CSMD3: variants seen among roughly 807,000 people sequenced by gnomAD.
CSMD3 encodes CUB and sushi domain-containing protein 3.
In CSMD3, 177 loss-of-function variants were observed where a neutral mutation model predicts 435.2. That is an observed-to-expected ratio of 0.41 (90% CI 0.36 to 0.46). The LOEUF is 0.46. CSMD3 is among the 20% of genes least tolerant of loss of function. The probability of loss-of-function intolerance (pLI) is 0.34; values close to 1 mark genes in which losing one functional copy is unlikely to be tolerated. For missense variants in CSMD3, 4,265 were observed against 4,504.6 expected (o/e 0.95, Z 1.52); for synonymous variants, 1,656 against 1,520.5 (o/e 1.09, Z -2.07).
intron 4 of CSMD3, among the ~76,000 whole-genome samples, chr8:113,145,421 C>G (rs2091650026): frequency 1.3e-5 from 2 of 151,574 alleles, no homozygotes; most frequent in Non-Finnish European, 3.0e-5. Flanking sequence ...TATGAAATCA[C>G]ATGGGCCTAT....
At chr8:112,809,741 C>T (rs1335742986) in intron 12 of CSMD3, among the ~76,000 whole-genome samples, 1 of 152,022 alleles carries the variant, frequency 6.6e-6, no homozygotes, top group East Asian at 1.9e-4. Context: ...AGGTGGGTTT[C>T]TTTCTGACTA....
chr8:113,212,456 T>C (rs559413492), intron 3 of CSMD3, among the ~76,000 whole-genome samples: 9 of 152,170 alleles, frequency 5.9e-5, no homozygotes, highest in South Asian at 2.1e-4. Flanking sequence ...ACTCTAGCCA[T>C]GGATGTGGCT....
intron 3 of CSMD3, among the ~76,000 whole-genome samples, chr8:113,207,973 A>G (rs1368480181): frequency 6.6e-6 from 1 of 152,192 alleles, no homozygotes; most frequent in Non-Finnish European, 1.5e-5. Flanking sequence ...CTCTCTGCAT[A>G]TATTTCTGCA....
At chr8:113,005,911 G>C (rs760534876) in intron 6 of CSMD3, among the ~76,000 whole-genome samples, 10 of 151,952 alleles carry the variant, frequency 6.6e-5, no homozygotes, top group Non-Finnish European at 1.3e-4. Flanking sequence ...CTGATAACAA[G>C]ATTTATCACA....
At chr8:112,833,344 T>C (rs1260779341) in intron 11 of CSMD3, among the ~76,000 whole-genome samples, 2 of 152,018 alleles carry the variant, frequency 1.3e-5, no homozygotes, top group East Asian at 1.9e-4. Context: ...TTTTTTAGTA[T>C]ATTACTTCTT....
intron 38 of CSMD3, among the ~76,000 whole-genome samples, chr8:112,366,314 CA>C (rs1563847188): frequency 6.6e-6 from 1 of 152,174 alleles, no homozygotes; most frequent in East Asian, 1.9e-4. Context: ...CTTTCTACTG[CA>C]ACAATGCTCC....
intron 22 of CSMD3, among the ~76,000 whole-genome samples, chr8:112,633,018 A>C (rs2131563851): frequency 6.6e-6 from 1 of 152,118 alleles, no homozygotes; most frequent in Admixed American, 6.6e-5. Context: ...CAGATACATA[A>C]ATATCTATTT....
At chr8:112,666,674 A>G (rs1434517460) in intron 16 of CSMD3, among the ~76,000 whole-genome samples, 1 of 152,148 alleles carries the variant, frequency 6.6e-6, no homozygotes, top group Non-Finnish European at 1.5e-5. Context: ...AAGTCTCTGA[A>G]TAATACCCCT....
intron 27 of CSMD3, among the ~76,000 whole-genome samples, chr8:112,545,671 A>G (rs1293821527): frequency 6.6e-6 from 1 of 152,054 alleles, no homozygotes; most frequent in Non-Finnish European, 1.5e-5. Flanking sequence ...TGAGAAATAG[A>G]TACAAGTTAT....
intron 3 of CSMD3, among the ~76,000 whole-genome samples, chr8:113,178,915 T>C (rs2131917257): frequency 6.6e-6 from 1 of 151,994 alleles, no homozygotes; most frequent in Non-Finnish European, 1.5e-5. Flanking sequence ...GAAGGAGAAC[T>C]ATTTCCTCAT....
chr8:113,215,937 G>T (rs545061169), intron 3 of CSMD3, among the ~76,000 whole-genome samples: 1 of 151,808 alleles, frequency 6.6e-6, no homozygotes, highest in South Asian at 2.1e-4. Flanking sequence ...GTAGGAAAAA[G>T]ATATATTAAA....
intron 5 of CSMD3, among the ~76,000 whole-genome samples, chr8:113,059,846 A>G (rs567413686): frequency 1.6e-4 from 25 of 152,314 alleles, no homozygotes; most frequent in Middle Eastern, 3.4e-3. Flanking sequence ...TTTAAACTGC[A>G]GGAGGAAAAA....
At chr8:113,294,913 T>C (rs2093709221) in intron 2 of CSMD3, among the ~76,000 whole-genome samples, 1 of 152,192 alleles carries the variant, frequency 6.6e-6, no homozygotes, top group Admixed American at 6.6e-5. Flanking sequence ...CTAATGATTA[T>C]GTAAAACATC....
chr8:113,036,026 C>T (rs919385914), intron 5 of CSMD3, among the ~76,000 whole-genome samples: 13 of 151,776 alleles, frequency 8.6e-5, no homozygotes, highest in East Asian at 3.9e-4. Flanking sequence ...ACAATACCCA[C>T]GAGACTGGTT....
At chr8:113,186,032 G>A (rs1020562655) in intron 3 of CSMD3, among the ~76,000 whole-genome samples, 4 of 151,980 alleles carry the variant, frequency 2.6e-5, no homozygotes, top group African/African-American at 9.7e-5. Context: ...AGGTATAAAA[G>A]GAGCCTGATC....
At chr8:112,673,128 G>T (rs1052513527) in intron 16 of CSMD3, among the ~76,000 whole-genome samples, 4 of 151,746 alleles carry the variant, frequency 2.6e-5, no homozygotes, top group African/African-American at 9.7e-5. Context: ...AAATCTAGAT[G>T]CCAATTCAAG....
At chr8:113,320,961 A>G (rs898658350) in intron 1 of CSMD3, among the ~76,000 whole-genome samples, 1 of 152,032 alleles carries the variant, frequency 6.6e-6, no homozygotes, top group Non-Finnish European at 1.5e-5. Context: ...CTTATCCTCA[A>G]ATCTCATTAG....
intron 7 of CSMD3, among the ~76,000 whole-genome samples, chr8:112,960,579 C>G (rs1488522522): frequency 6.6e-6 from 1 of 151,214 alleles, no homozygotes; most frequent in African/African-American, 2.4e-5. Flanking sequence ...TATTTCATTT[C>G]AAAATATGTT....
intron 3 of CSMD3, among the ~76,000 whole-genome samples, chr8:113,179,578 T>G (rs1167579828): frequency 6.6e-6 from 1 of 151,860 alleles, no homozygotes; most frequent in Non-Finnish European, 1.5e-5. Flanking sequence ...ATTGATTTCT[T>G]CATTCTTTTG....
Sources: gnomAD v4.1 joint callset for allele counts (sites outside exome capture counted in the v4.1 genomes callset) on GRCh38, gnomAD v4.1.1 for gene constraint, MANE v1.5 for transcripts, NCBI Gene and HGNC (gene_info 2026-07-23, HGNC 2026-07-21) for gene names.